The following RUFY1 variants were observed in gnomAD, a reference collection of about 807,000 sequenced individuals.
RUFY1 encodes the protein RUN and FYVE domain-containing protein 1.
A neutral mutation model predicts 94.6 loss-of-function variants in RUFY1; 54 were observed. The ratio of observed to expected loss-of-function variants is 0.57; its 90% CI spans 0.46 to 0.72. RUFY1 has a LOEUF of 0.72. Ranked by LOEUF, RUFY1 falls within the 30% of genes least tolerant of loss-of-function variation. RUFY1 has a pLI of 0.00. For missense variants in RUFY1, 883 were observed against 883.9 expected (o/e 1.00, Z 0.01); for synonymous variants, 396 against 347.3 (o/e 1.14, Z -1.56).
chr5:179,591,419 C>T (rs1182463212), intron 9 of RUFY1, among the ~76,000 whole-genome samples: 8 of 148,544 alleles, frequency 5.4e-5, no homozygotes, highest in Non-Finnish European at 1.0e-4. Flanking sequence ...CGCCTGACCT[C>T]GTGATCCGCC....
At chr5:179,583,583 A>G (rs1764346464) in intron 7 of RUFY1, among the ~76,000 whole-genome samples, 1 of 147,804 alleles carries the variant, frequency 6.8e-6, no homozygotes, top group African/African-American at 2.5e-5. Flanking sequence ...CACTTGGCTA[A>G]TTTTTTGTAT....
intron 12 of RUFY1, among the ~76,000 whole-genome samples, chr5:179,595,742 G>C (rs550780773): frequency 1.3e-5 from 2 of 152,100 alleles, no homozygotes; most frequent in South Asian, 2.1e-4. Context: ...TAGAGATGGG[G>C]TTTCTCCATA....
intron 4 of RUFY1, among the ~76,000 whole-genome samples, chr5:179,568,370 G>A (rs988700378): frequency 7.2e-5 from 11 of 152,138 alleles, no homozygotes; most frequent in Admixed American, 3.3e-4. Flanking sequence ...GATGATTTAC[G>A]AGGAAGGACT....
Position 179,596,586 on chromosome 5 carries a change from G to A in RUFY1, c.1536G>A (p.Arg512=). 1 of 1,613,564 alleles carries A rather than the reference G, an allele frequency of 6.2e-7. No homozygotes were observed. Among genetic ancestry groups the A allele is most frequent in the Non-Finnish European group, 8.5e-7 (1 of 1,179,984 alleles). Residue 512 remains arginine (R), a synonymous_variant, in exon 13 of 18, where the codon AGG becomes AGA. Transcript: ENST00000319449. The part of the protein sequence containing the change: ...EERLQHSERA[R]QGAEERSHKL... Reference sequence around the variant, plus strand: ...GGTTGCAGCACTCGGAGCGGGCGAGGCAGGGGGCTGAGGAGCGGAGCCACA... The same window carrying A: ...GGTTGCAGCACTCGGAGCGGGCGAGACAGGGGGCTGAGGAGCGGAGCCACA...
intron 9 of RUFY1, 119 bp from the exon 10 acceptor site, chr5:179,591,506 T>G: frequency 1.4e-6 from 1 of 715,260 alleles, no homozygotes; most frequent in Non-Finnish European, 2.4e-6. Flanking sequence ...TTTTCTACCA[T>G]GCTTAAAAAA....
intron 3 of RUFY1, among the ~76,000 whole-genome samples, chr5:179,564,523 C>T (rs1561975703): frequency 6.7e-6 from 1 of 150,244 alleles, no homozygotes; most frequent in Non-Finnish European, 1.5e-5. Context: ...CTCCCAGGCT[C>T]AAGTGATCTT....
rs1581444882 is a variant in RUFY1, at chr5:179,567,367, T to C, written c.603-94T>C. 22 of 866,432 alleles carry C rather than the reference T, an allele frequency of 2.5e-5. No individual in the cohort carries two copies. The East Asian group carries it at 5.3e-4, about 21-fold the overall frequency. The allele number at this position is 866,432 out of a possible 1,614,324, so 53.7% of individuals were successfully genotyped here. Reference sequence around the variant, plus strand: ...AGAGTATCGTCTGCATTTACAAGGGTGTGTTTCCTATGTGTCTCCCTGGCT... The same window carrying C: ...AGAGTATCGTCTGCATTTACAAGGGCGTGTTTCCTATGTGTCTCCCTGGCT... On this transcript the variant is annotated intron_variant, in intron 3 of 17. Transcript: ENST00000319449.
At chr5:179,565,686 C>T (rs1220453667) in intron 3 of RUFY1, among the ~76,000 whole-genome samples, 1 of 152,068 alleles carries the variant, frequency 6.6e-6, no homozygotes, top group African/African-American at 2.4e-5. Flanking sequence ...TGTTTAACCC[C>T]GCCTTGTGGC....
At chr5:179,588,541 C>T (rs1416993366) in intron 8 of RUFY1, among the ~76,000 whole-genome samples, 2 of 152,128 alleles carry the variant, frequency 1.3e-5, no homozygotes, top group Non-Finnish European at 2.9e-5. Flanking sequence ...TTGGGCATAT[C>T]TTCAATGATT....
chr5:179,601,177 T>G (rs56864882), intron 14 of RUFY1, among the ~76,000 whole-genome samples: 2,223 of 151,826 alleles, frequency 0.015, 59 homozygotes, highest in African/African-American at 0.05. Flanking sequence ...TTTTTGGTTT[T>G]GTTTTGTTTG....
chr5:179,552,354 C>G (rs748865224), intron 1 of RUFY1, among the ~76,000 whole-genome samples: 5 of 152,102 alleles, frequency 3.3e-5, no homozygotes, highest in African/African-American at 4.8e-5. Flanking sequence ...TCATAGCACA[C>G]ACTCGAGGCT....
At chr5:179,589,669 G>C (rs772980515) in intron 9 of RUFY1, 22 bp downstream of exon 9, 2 of 1,523,740 alleles carry the variant, frequency 1.3e-6, no homozygotes, top group East Asian at 4.5e-5. Context: ...ACCTACATTT[G>C]GGCAGCATGT....
chr5:179,609,260 C>A, intron 17 of RUFY1, 116 bp from the exon 18 acceptor site: 4 of 1,025,028 alleles, frequency 3.9e-6, no homozygotes, highest in Non-Finnish European at 4.2e-6. Context: ...CACCACCCCA[C>A]AGAAACATAA....
At chr5:179,555,924 C>T (rs1762096621) in intron 1 of RUFY1, 1 of 195,938 alleles carries the variant, frequency 5.1e-6, no homozygotes, top group Admixed American at 5.7e-5. Context: ...AAGTGACCTG[C>T]TCACCTCAAG....
At chr5:179,557,384 C>T (rs1259670255) in intron 1 of RUFY1, among the ~76,000 whole-genome samples, 1 of 152,094 alleles carries the variant, frequency 6.6e-6, no homozygotes, top group African/African-American at 2.4e-5. Context: ...GAGCCAAGAT[C>T]GTGCCATTGC....
intron 3 of RUFY1, among the ~76,000 whole-genome samples, chr5:179,564,150 G>A (rs866112268): frequency 3.2e-5 from 4 of 126,696 alleles, no homozygotes; most frequent in African/African-American, 9.1e-5. Context: ...ATAGAGTTTC[G>A]CTCTTGTTGC....
intron 8 of RUFY1, among the ~76,000 whole-genome samples, chr5:179,588,316 C>T (rs1231359759): frequency 2.0e-5 from 3 of 152,166 alleles, no homozygotes; most frequent in African/African-American, 7.2e-5. Flanking sequence ...AGCCAAGCAC[C>T]AAGGACAGAG....
chr5:179,561,678 C>CT (rs71001004), intron 2 of RUFY1, among the ~76,000 whole-genome samples: 7,113 of 64,498 alleles, frequency 0.11, 1,261 homozygotes, highest in South Asian at 0.17. Flanking sequence ...TTTTTTCTTT[C>CT]TTTTTTTTTT....
chr5:179,604,960 G>T (rs1766893729), intron 15 of RUFY1, among the ~76,000 whole-genome samples: 1 of 147,906 alleles, frequency 6.8e-6, no homozygotes, highest in South Asian at 2.1e-4. Context: ...CTCCAGCCTG[G>T]CCAATGCAGC....
Sources: allele counts gnomAD v4.1 joint callset (sites outside exome capture counted in the v4.1 genomes callset), GRCh38; gene constraint gnomAD v4.1.1; transcripts MANE v1.5; gene names NCBI Gene and HGNC (gene_info 2026-07-23, HGNC 2026-07-21).